The following DRC11 variants were observed in gnomAD, a reference collection of about 807,000 sequenced individuals.
The protein encoded by DRC11 is IQ and AAA domain-containing protein 1.
the DRC11 span, among the ~76,000 whole-genome samples, chr2:236,417,386 A>G: frequency 6.6e-6 from 1 of 152,106 alleles, no homozygotes; most frequent in Non-Finnish European, 1.5e-5. Context: ...CCTCCCACAC[A>G]GAAGTTTGCG....
the DRC11 span, among the ~76,000 whole-genome samples, chr2:236,356,961 T>C: frequency 1.8e-5 from 2 of 109,370 alleles, no homozygotes; most frequent in Admixed American, 9.4e-5. Flanking sequence ...ATATCATAAA[T>C]ATATATATTA....
At chr2:236,491,754 T>A in the DRC11 span, among the ~76,000 whole-genome samples, 1 of 152,162 alleles carries the variant, frequency 6.6e-6, no homozygotes, top group African/African-American at 2.4e-5. Flanking sequence ...GTAAGTTGGC[T>A]TTGGAATGGA....
the DRC11 span, among the ~76,000 whole-genome samples, chr2:236,444,924 T>G: frequency 6.6e-6 from 1 of 152,216 alleles, no homozygotes. Context: ...GTGTGGATAT[T>G]GGGCCCCAGG....
the DRC11 span, among the ~76,000 whole-genome samples, chr2:236,389,111 TTTTG>T: frequency 6.1e-4 from 93 of 152,256 alleles, no homozygotes; most frequent in African/African-American, 2.1e-3. Flanking sequence ...ACTGCTGTCT[TTTTG>T]TTTGTCTGTG....
chr2:236,380,367 A>G, the DRC11 span, among the ~76,000 whole-genome samples: 1 of 152,262 alleles, frequency 6.6e-6, no homozygotes, highest in Non-Finnish European at 1.5e-5. The surrounding 1 kb of genome is among the most constrained non-coding windows in gnomAD (Gnocchi z 4.9). Flanking sequence ...GTCAGAAGCC[A>G]TGGGGGTCCA....
At chr2:236,500,219 C>T in the DRC11 span, among the ~76,000 whole-genome samples, 1 of 152,028 alleles carries the variant, frequency 6.6e-6, no homozygotes, top group South Asian at 2.1e-4. This position sits in a 1 kb window ranked among gnomAD's most constrained non-coding sequence, Gnocchi z 6.3. Context: ...ATGAGGTAGG[C>T]ATAATTATTA....
the DRC11 span, among the ~76,000 whole-genome samples, chr2:236,430,259 A>G: frequency 6.6e-6 from 1 of 152,136 alleles, no homozygotes; most frequent in Non-Finnish European, 1.5e-5. The surrounding 1 kb of genome is among the most constrained non-coding windows in gnomAD (Gnocchi z 6.0). Context: ...ATGTTTGCCA[A>G]TTGTATAGGT....
chr2:236,359,045 C>T, the DRC11 span, among the ~76,000 whole-genome samples: 26,603 of 151,410 alleles, frequency 0.18, 2,568 homozygotes, highest in Non-Finnish European at 0.23. The surrounding 1 kb of genome is among the most constrained non-coding windows in gnomAD (Gnocchi z 4.3). Context: ...GGCCCCCGCC[C>T]TCCAGACCTC....
the DRC11 span, among the ~76,000 whole-genome samples, chr2:236,460,398 C>A: frequency 4.6e-5 from 7 of 152,172 alleles, no homozygotes; most frequent in Admixed American, 4.6e-4. This position sits in a 1 kb window ranked among gnomAD's most constrained non-coding sequence, Gnocchi z 4.0. Context: ...TCTCCCATGA[C>A]CCTGCCAGGA....
At chr2:236,438,959 T>C in the DRC11 span, among the ~76,000 whole-genome samples, 1 of 149,190 alleles carries the variant, frequency 6.7e-6, no homozygotes, top group South Asian at 2.2e-4. Context: ...AACCTGCTCC[T>C]GAATGACTAC....
the DRC11 span, among the ~76,000 whole-genome samples, chr2:236,461,749 C>T: frequency 5.3e-5 from 8 of 152,260 alleles, no homozygotes; most frequent in South Asian, 2.1e-4. The surrounding 1 kb of genome is among the most constrained non-coding windows in gnomAD (Gnocchi z 4.0). Flanking sequence ...AGGAAACTGA[C>T]GCACAGAGAA....
the DRC11 span, among the ~76,000 whole-genome samples, chr2:236,459,624 C>CGT: frequency 1.9e-3 from 153 of 82,598 alleles, no homozygotes; most frequent in South Asian, 4.8e-3. Context: ...TAAGTATATA[C>CGT]ATACGTATAT....
At chr2:236,409,058 G>C in the DRC11 span, 1 of 575,844 alleles carries the variant, frequency 1.7e-6, no homozygotes, top group African/African-American at 1.9e-5. Flanking sequence ...TCTGGGAGTG[G>C]AGGACTTCTT....
At chr2:236,428,068 G>A in the DRC11 span, among the ~76,000 whole-genome samples, 1 of 151,930 alleles carries the variant, frequency 6.6e-6, no homozygotes, top group Non-Finnish European at 1.5e-5. Flanking sequence ...ATTGTTCCTG[G>A]TTTCACACCA....
At chr2:236,337,788 C>A in the DRC11 span, among the ~76,000 whole-genome samples, 1 of 150,950 alleles carries the variant, frequency 6.6e-6, no homozygotes, top group African/African-American at 2.4e-5. The surrounding 1 kb of genome is among the most constrained non-coding windows in gnomAD (Gnocchi z 4.9). Flanking sequence ...AATCATTACA[C>A]AAGTGGACTT....
the DRC11 span, among the ~76,000 whole-genome samples, chr2:236,404,137 T>C: frequency 6.7e-6 from 1 of 148,762 alleles, no homozygotes. Flanking sequence ...CAGACAACTT[T>C]TTTGACTTAA....
chr2:236,397,557 G>A, the DRC11 span, among the ~76,000 whole-genome samples: 1 of 152,352 alleles, frequency 6.6e-6, no homozygotes, highest in Non-Finnish European at 1.5e-5. This position sits in a 1 kb window ranked among gnomAD's most constrained non-coding sequence, Gnocchi z 5.0. Context: ...GTGCTCTTCG[G>A]AAGAAAACAA....
the DRC11 span, among the ~76,000 whole-genome samples, chr2:236,314,889 G>C: frequency 6.6e-6 from 1 of 152,128 alleles, no homozygotes; most frequent in East Asian, 1.9e-4. The surrounding 1 kb of genome is among the most constrained non-coding windows in gnomAD (Gnocchi z 4.5). Context: ...TTGATCTATA[G>C]ATTCAATATA....
At chr2:236,486,962 A>G in the DRC11 span, 1 of 1,281,848 alleles carries the variant, frequency 7.8e-7, no homozygotes, top group African/African-American at 1.5e-5. The surrounding 1 kb of genome is among the most constrained non-coding windows in gnomAD (Gnocchi z 5.7). Context: ...CATGGCTTGC[A>G]GTTTCTCCCA....
Sources: gnomAD v4.1 joint callset for allele counts (sites outside exome capture counted in the v4.1 genomes callset) on GRCh38, gnomAD v4.1.1 for gene constraint, Gnocchi (gnomAD v3.1) non-coding constraint, MANE v1.5 for transcripts, NCBI Gene and HGNC (gene_info 2026-07-23, HGNC 2026-07-21) for gene names.